The following FRRS1 variants were observed in gnomAD, a reference collection of about 807,000 sequenced individuals.
FRRS1 encodes the protein ferric chelate reductase 1.
FRRS1 carries 51 observed loss-of-function variants against 70.7 expected under a neutral mutation model. The ratio of observed to expected loss-of-function variants is 0.72; its 90% CI spans 0.58 to 0.91. FRRS1 has a LOEUF of 0.91. Among genes scored for constraint, FRRS1 ranks in the 40% least tolerant of loss-of-function variants. FRRS1 has a pLI of 0.00. For missense variants in FRRS1, 672 were observed against 726.0 expected (o/e 0.93, Z 0.86); for synonymous variants, 225 against 238.7 (o/e 0.94, Z 0.53).
At chr1:99,728,293 T>C (rs982977147) in intron 9 of FRRS1, among the ~76,000 whole-genome samples, 200 bp downstream of exon 9, 1 of 152,216 alleles carries the variant, frequency 6.6e-6, no homozygotes, top group African/African-American at 2.4e-5. Flanking sequence ...TGTTGCCTTA[T>C]AACACAAGGG....
chr1:99,754,641 G>C (rs141062320), intron 1 of FRRS1, among the ~76,000 whole-genome samples: 2 of 152,096 alleles, frequency 1.3e-5, no homozygotes. Flanking sequence ...CAGAATACAC[G>C]TTCCTCTCAA....
chr1:99,728,882 T>C (rs1242372989), intron 8 of FRRS1, among the ~76,000 whole-genome samples: 1 of 152,222 alleles, frequency 6.6e-6, no homozygotes, highest in Non-Finnish European at 1.5e-5. Context: ...GAGCCAGAAC[T>C]CCACAATTCC....
chr1:99,742,142 C>T, intron 5 of FRRS1, 37 bp downstream of exon 5: 1 of 1,300,164 alleles, frequency 7.7e-7, no homozygotes. Flanking sequence ...GCATGAGCCA[C>T]CATGCCTGGC....
intron 9 of FRRS1, among the ~76,000 whole-genome samples, chr1:99,725,553 T>C (rs571393402): frequency 6.6e-6 from 1 of 152,244 alleles, no homozygotes; most frequent in African/African-American, 2.4e-5. Flanking sequence ...TCTGCATTGC[T>C]AGCAGTCACT....
chr1:99,759,945 A>C (rs868570005), intron 1 of FRRS1, among the ~76,000 whole-genome samples: 9 of 152,214 alleles, frequency 5.9e-5, no homozygotes, highest in African/African-American at 2.2e-4. Context: ...GTTTAGAGAG[A>C]AGGTGAAAAG....
chr1:99,709,249 C>T lies in FRRS1; in HGVS notation c.1635G>A (p.Leu545=), dbSNP rs770364546. The T allele has an allele frequency of 1.9e-6, 3 of 1,603,488 alleles. No homozygotes were observed. The highest frequency in any genetic ancestry group is 3.3e-5 in the Admixed American group (2 of 59,988). Residue 545 remains leucine, a synonymous_variant, in exon 16 of 17, where the codon TTG becomes TTA. Transcript: ENST00000646001. ...GAAGGATCTGAATTCTGTCATCATC[C>T]AATATTTCAACTGTCAAGAATAATA... The part of the protein sequence containing the change: ...AYRLSRKVEI[L]DDDRIQILQS...
In FRRS1 at chr1:99,704,812, G is replaced by T. The variant is rs867349799; in HGVS notation, c.*4216C>A. ...CGACTGGCGGAAGGAGGAACAGTTG[G>T]CGGAGTTTGGCCGGGGCAATCAGAG... is the stretch of plus-strand genomic sequence containing the variant. On this transcript the variant is annotated 3_prime_UTR_variant, in exon 17 of 17. Transcript: ENST00000646001. Among the ~76,000 whole-genome samples, 4 of 152,216 alleles carry T rather than the reference G, an allele frequency of 2.6e-5. No homozygotes were observed. The highest frequency in any genetic ancestry group is 2.1e-4 in the South Asian group (1 of 4,820).
chr1:99,717,329 A>C, intron 11 of FRRS1, 81 bp downstream of exon 11: 1 of 937,336 alleles, frequency 1.1e-6, no homozygotes, highest in Non-Finnish European at 1.8e-6. Context: ...ACGCATACAC[A>C]TACACACATA....
In FRRS1 at chr1:99,706,888, T is replaced by C. The variant is rs1654050158; in HGVS notation, c.*2140A>G. ...GCCTAGACAACAGAGTGAGACTTTG[T>C]CACAAAAAAAAAAAAGAGAGAATTT... On this transcript the variant is annotated 3_prime_UTR_variant, in exon 17 of 17. Coordinates refer to ENST00000646001, the MANE Select transcript of FRRS1 (RefSeq NM_001361041.2). 7.3e-6 allele frequency among the ~76,000 whole-genome samples: 1 copy of C among 137,460 alleles called. No individual in the cohort carries two copies. Among genetic ancestry groups the C allele is most frequent in the South Asian group, 2.1e-4 (1 of 4,694 alleles). 90.2% of individuals were successfully genotyped at this position (137,460 alleles called of 152,430 possible). A position where few individuals can be genotyped will look rare whatever the true frequency, so the allele number is the denominator to read the frequency against.
chr1:99,747,649 G>A (rs546397502), intron 3 of FRRS1: 36 of 471,872 alleles, frequency 7.6e-5, no homozygotes, highest in South Asian at 2.8e-4. Context: ...TAGCCATTCC[G>A]CAAAGAGAAA....
intron 1 of FRRS1, among the ~76,000 whole-genome samples, chr1:99,758,956 G>A (rs570008937): frequency 2.0e-4 from 31 of 152,014 alleles, no homozygotes; most frequent in Non-Finnish European, 3.8e-4. Context: ...TACTAGGTTG[G>A]GGCAAAACTC....
At chr1:99,743,571 T>G (rs907082967) in intron 4 of FRRS1, among the ~76,000 whole-genome samples, 15 of 152,152 alleles carry the variant, frequency 9.9e-5, no homozygotes, top group Admixed American at 3.3e-4. Context: ...AAGTTAAAAT[T>G]TATCAAAACA....
chr1:99,764,106 T>C (rs1358001030), intron 1 of FRRS1, among the ~76,000 whole-genome samples: 3 of 152,212 alleles, frequency 2.0e-5, no homozygotes, highest in African/African-American at 7.2e-5. Flanking sequence ...AGGTAGGCAT[T>C]GTTTTAAGTA....
intron 7 of FRRS1, among the ~76,000 whole-genome samples, chr1:99,735,192 C>CTGCT (rs1655590256): frequency 6.6e-6 from 1 of 152,126 alleles, no homozygotes; most frequent in African/African-American, 2.4e-5. Flanking sequence ...ATTCAAGGAA[C>CTGCT]TGCTGTATGT....
chr1:99,765,922 T>C (rs557656892), intron 1 of FRRS1: 1 of 151,902 alleles, frequency 6.6e-6, no homozygotes, highest in South Asian at 2.1e-4. Flanking sequence ...AATGAATAAA[T>C]AAATAAATAA....
At chr1:99,713,216 T>C (rs1162064423) in intron 12 of FRRS1, among the ~76,000 whole-genome samples, 1 of 152,222 alleles carries the variant, frequency 6.6e-6, no homozygotes, top group Non-Finnish European at 1.5e-5. Context: ...GTGAGTAAAC[T>C]GAGGGTCATA....
Position 99,748,735 on chromosome 1 carries a change from T to G in FRRS1, c.34A>C (p.Ile12Leu). 1 of 1,614,068 alleles carries G rather than the reference T, an allele frequency of 6.2e-7. No homozygotes were observed. The change falls in exon 3 of 17, where the codon ATA becomes CTA. Residue 12 changes from isoleucine (I) to leucine (L), a missense_variant. Physicochemically the swap from Ile to Leu is conservative, Grantham distance 5. Transcript: ENST00000646001. ...AVSGFTLGTC[I>L]LLLHISYVAN... Reference sequence around the variant, plus strand: ...ACATAACTAATGTGCAACAGAAGTATGCAGGTACCAAGAGTAAATCCAGAA... The same window carrying G: ...ACATAACTAATGTGCAACAGAAGTAGGCAGGTACCAAGAGTAAATCCAGAA...
chr1:99,707,554 C>T lies in FRRS1; in HGVS notation c.*1474G>A, dbSNP rs572857104. On this transcript the variant is annotated 3_prime_UTR_variant, in exon 17 of 17. Coordinates refer to ENST00000646001, the MANE Select transcript of FRRS1 (RefSeq NM_001361041.2). ...AACAAATAAACTGGAAAATAAACAG[C>T]GGTTACTAATTTAAGGTTTTAACCC... Among the ~76,000 whole-genome samples the T allele has an allele frequency of 3.3e-5, 5 of 151,996 alleles. No homozygotes were observed. The highest frequency in any genetic ancestry group is 5.9e-5 in the Non-Finnish European group (4 of 67,956).
In FRRS1 at chr1:99,756,504, A is replaced by G. The variant is rs190114142; in HGVS notation, c.-105-7503T>C. ...AATTCTTGTACTTAAATGAAAATGTAATTATTATTTGATTGTGGGCCACAG... is the reference window on the plus strand; with the variant it reads ...AATTCTTGTACTTAAATGAAAATGTGATTATTATTTGATTGTGGGCCACAG... On this transcript the variant is annotated intron_variant, in intron 1 of 16. Transcript: ENST00000646001. Among the ~76,000 whole-genome samples, 597 of 152,338 alleles carry G rather than the reference A, an allele frequency of 3.9e-3. 1 individual carries two copies. The highest frequency in any genetic ancestry group is 5.3e-3 in the Non-Finnish European group (363 of 68,010).
Sources: gnomAD v4.1 joint callset for allele counts (sites outside exome capture counted in the v4.1 genomes callset) on GRCh38, gnomAD v4.1.1 for gene constraint, MANE v1.5 for transcripts, NCBI Gene and HGNC (gene_info 2026-07-23, HGNC 2026-07-21) for gene names.